DNAH3: variants seen among roughly 807,000 people sequenced by gnomAD.
DNAH3 encodes the protein dynein axonemal heavy chain 3, also known as axonemal beta dynein heavy chain 3.
DNAH3 carries 332 observed loss-of-function variants against 432.5 expected under a neutral mutation model. That is an observed-to-expected ratio of 0.77 (90% confidence interval 0.70 to 0.84). The LOEUF is 0.84. Ranked by LOEUF, DNAH3 falls within the 40% of genes least tolerant of loss-of-function variation. The probability of loss-of-function intolerance (pLI) is 0.00; values close to 1 mark genes in which losing one functional copy is unlikely to be tolerated. For missense variants in DNAH3, 4,861 were observed against 5,114.0 expected, an observed-to-expected ratio of 0.95 and a Z score of 1.51; for synonymous variants, 1,956 against 1,900.2, an observed-to-expected ratio of 1.03 and a Z score of -0.76.
chr16:21,037,881 A>G, exon 34 of DNAH3: 1 of 1,614,194 alleles, frequency 6.2e-7, no homozygotes, highest in Non-Finnish European at 8.5e-7. Flanking sequence ...CTGCGGCAGT[A>G]AGCACAGACT....
chr16:20,953,656 C>T (rs964023780), intron 55 of DNAH3, among the ~76,000 whole-genome samples: 2 of 151,878 alleles, frequency 1.3e-5, no homozygotes, highest in African/African-American at 4.8e-5. Flanking sequence ...ACTGCAGCCT[C>T]GAACTCCCAG....
At chr16:21,081,145 C>G (rs912938090) in intron 20 of DNAH3, among the ~76,000 whole-genome samples, 1 of 152,066 alleles carries the variant, frequency 6.6e-6, no homozygotes, top group African/African-American at 2.4e-5. Context: ...TCTTGAACTC[C>G]TGACCTCAAG....
intron 1 of DNAH3, among the ~76,000 whole-genome samples, chr16:21,155,578 C>T (rs1403504187): frequency 2.8e-5 from 4 of 144,154 alleles, no homozygotes; most frequent in Admixed American, 1.4e-4. Flanking sequence ...GCCGAGATAG[C>T]GCCACTGCAC....
intron 50 of DNAH3, 137 bp downstream of exon 50, chr16:20,979,193 G>GT (rs1463038144): frequency 1.1e-5 from 8 of 707,842 alleles, no homozygotes; most frequent in Non-Finnish European, 1.9e-5. Context: ...AGTGATGTAG[G>GT]TAAGGTAAGC....
rs1359372762 is a variant in DNAH3 at position 21,159,319 on chromosome 16, C to G, written c.117+6G>C. 8 of 1,612,762 alleles carry G rather than the reference C, an allele frequency of 5.0e-6. No individual in the cohort carries two copies. The East Asian group carries it at 1.8e-4, about 36-fold the overall frequency. On this transcript the variant is annotated splice_donor_region_variant and intron_variant, in intron 1 of 61. Coordinates refer to ENST00000261383, the Ensembl canonical transcript of DNAH3. ...GTGCCTTCTGGGACGCGGACCCCCT[C>G]TCCACCTGCATTTCACTCCCTTCCT...
At chr16:21,119,292 G>T (rs1300961431) in intron 11 of DNAH3, among the ~76,000 whole-genome samples, 2 of 152,168 alleles carry the variant, frequency 1.3e-5, no homozygotes, top group African/African-American at 4.8e-5. Flanking sequence ...TCAATGTGGT[G>T]GATTCTCTTA....
chr16:20,957,894 T>C (rs1205089943), intron 54 of DNAH3, among the ~76,000 whole-genome samples: 1 of 148,214 alleles, frequency 6.7e-6, no homozygotes. Flanking sequence ...TAAAGTCTGT[T>C]TGGTTCAACT....
At chr16:21,058,173 T>C (rs751480209) in exon 27 of DNAH3, 1 of 1,613,178 alleles carries the variant, frequency 6.2e-7, no homozygotes, top group Admixed American at 1.7e-5. Flanking sequence ...CAGGCCACTG[T>C]AAGACCCAGT....
chr16:21,013,354 C>T (rs2087699618), intron 41 of DNAH3, among the ~76,000 whole-genome samples: 1 of 151,396 alleles, frequency 6.6e-6, no homozygotes, highest in East Asian at 1.9e-4. Context: ...CGGGCAGATC[C>T]CATCTGTTAA....
At chr16:21,156,524 G>A (rs1426080617) in intron 1 of DNAH3, among the ~76,000 whole-genome samples, 1 of 152,074 alleles carries the variant, frequency 6.6e-6, no homozygotes, top group Non-Finnish European at 1.5e-5. Flanking sequence ...GAGCCACTGG[G>A]ATCTCTTTTA....
chr16:21,111,731 C>G (rs1243937515), exon 14 of DNAH3: 3 of 1,614,070 alleles, frequency 1.9e-6, no homozygotes, highest in South Asian at 1.1e-5. Flanking sequence ...AGCATCAAGG[C>G]AGAACATGGC....
rs370277392 is a variant in DNAH3 at position 20,971,026 on chromosome 16, TCTGA to T, written c.8260-1040_8260-1037del. Among the ~76,000 whole-genome samples the T allele has an allele frequency of 8.2e-3, 1,246 of 151,744 alleles. 7 individuals carry two copies. Among genetic ancestry groups the T allele is most frequent in the Middle Eastern group, 0.02 (6 of 294 alleles). ...GGGACTACAGGTGCCTACCACCAGG[TCTGA>T]CTAATTTTTGTATTTTTAGTATAGA... is the stretch of plus-strand genomic sequence containing the variant. On this transcript the variant is annotated intron_variant, in intron 51 of 61. Transcript: ENST00000261383.
intron 39 of DNAH3, among the ~76,000 whole-genome samples, chr16:21,022,768 G>A (rs571365498): frequency 2.0e-5 from 3 of 147,262 alleles, no homozygotes; most frequent in East Asian, 3.9e-4. Context: ...TTTTTGAGAC[G>A]GAGTTTTGTT....
intron 5 of DNAH3, among the ~76,000 whole-genome samples, chr16:21,137,909 G>C (rs1381718609): frequency 6.6e-6 from 1 of 152,176 alleles, no homozygotes; most frequent in African/African-American, 2.4e-5. Context: ...GAGAAGCACA[G>C]AGTGTGAGGA....
intron 47 of DNAH3, among the ~76,000 whole-genome samples, chr16:20,987,003 A>T (rs1041311584): frequency 6.6e-6 from 1 of 152,184 alleles, no homozygotes; most frequent in Non-Finnish European, 1.5e-5. Flanking sequence ...TCAACTCACC[A>T]ATTAATTGAT....
intron 37 of DNAH3, among the ~76,000 whole-genome samples, chr16:21,028,533 T>C (rs1597181341): frequency 2.0e-5 from 3 of 149,380 alleles, no homozygotes; most frequent in African/African-American, 7.4e-5. Context: ...TAGCCGGGCA[T>C]GGTGGCACGC....
chr16:20,993,517 C>A (rs903819629), intron 44 of DNAH3, among the ~76,000 whole-genome samples: 2 of 152,098 alleles, frequency 1.3e-5, no homozygotes, highest in South Asian at 4.1e-4. Context: ...ATTAATTTTT[C>A]TGGCTATAAA....
At chr16:21,075,633 C>T in intron 20 of DNAH3, 72 bp from the exon 21 acceptor site, 1 of 1,199,398 alleles carries the variant, frequency 8.3e-7, no homozygotes, top group South Asian at 1.2e-5. Flanking sequence ...GAACTTCAGG[C>T]CAGGCATGGT....
chr16:20,983,646 C>T (rs1279220725), intron 48 of DNAH3, among the ~76,000 whole-genome samples: 1 of 151,826 alleles, frequency 6.6e-6, no homozygotes, highest in Non-Finnish European at 1.5e-5. Context: ...CTTAAAATTC[C>T]ATTCATTGTT....
Sources: allele counts gnomAD v4.1 joint callset (sites outside exome capture counted in the v4.1 genomes callset), GRCh38; gene constraint gnomAD v4.1.1; transcripts MANE v1.5; gene names NCBI Gene and HGNC (gene_info 2026-07-23, HGNC 2026-07-21).